Variants in EEIG1 observed in about 807,000 individuals in gnomAD.
EEIG1 encodes the protein early estrogen-induced gene 1 protein.
the EEIG1 span, among the ~76,000 whole-genome samples, chr9:127,964,816 T>C: frequency 6.6e-6 from 1 of 151,990 alleles, no homozygotes; most frequent in Non-Finnish European, 1.5e-5. Context: ...AAAATATCCC[T>C]GGCAGCCAGG....
chr9:127,947,623 C>T, the EEIG1 span, among the ~76,000 whole-genome samples: 2 of 152,118 alleles, frequency 1.3e-5, no homozygotes, highest in South Asian at 4.1e-4. Context: ...TGTGGGAGAG[C>T]AAGAGCTCCC....
At chr9:127,945,703 G>A in the EEIG1 span, 3 of 1,592,188 alleles carry the variant, frequency 1.9e-6, no homozygotes, top group Non-Finnish European at 2.6e-6. This position sits in a 1 kb window ranked among gnomAD's most constrained non-coding sequence, Gnocchi z 6.5. Flanking sequence ...TGGCCAGAGT[G>A]GAACACCTCC....
the EEIG1 span, among the ~76,000 whole-genome samples, chr9:127,954,569 G>C: frequency 6.6e-6 from 1 of 152,198 alleles, no homozygotes; most frequent in African/African-American, 2.4e-5. Context: ...GCAGGCCCTG[G>C]AGCCTGCTCC....
chr9:127,944,934 C>A, the EEIG1 span: 1 of 1,601,054 alleles, frequency 6.2e-7, no homozygotes, highest in South Asian at 1.1e-5. Context: ...TCACAACGGT[C>A]AGGGCAGTAA....
chr9:127,980,431 C>A, the EEIG1 span: 644 of 231,728 alleles, frequency 2.8e-3, 8 homozygotes, highest in African/African-American at 0.014. Flanking sequence ...GAGGCAGGGG[C>A]GGAGGTGCGG....
At chr9:127,980,385 C>G in the EEIG1 span, 1 of 425,330 alleles carries the variant, frequency 2.4e-6, no homozygotes, top group Non-Finnish European at 4.2e-6. Context: ...GGGGACCTCA[C>G]CGGCATGTAA....
At chr9:127,967,309 C>A in the EEIG1 span, among the ~76,000 whole-genome samples, 1 of 152,188 alleles carries the variant, frequency 6.6e-6, no homozygotes, top group South Asian at 2.1e-4. Context: ...CCGAGCCAAG[C>A]ACTCTCCCTG....
chr9:127,947,263 CAAAAAAAAAA>C, the EEIG1 span, among the ~76,000 whole-genome samples: 1 of 94,660 alleles, frequency 1.1e-5, no homozygotes, highest in African/African-American at 4.1e-5. Context: ...ACTAAAAATA[CAAAAAAAAAA>C]AAAAAAAAAA....
chr9:127,953,676 C>T, the EEIG1 span: 24 of 1,602,686 alleles, frequency 1.5e-5, no homozygotes, highest in Non-Finnish European at 2.1e-5. Flanking sequence ...CTCCCACAAT[C>T]CCCCCAGATC....
the EEIG1 span, among the ~76,000 whole-genome samples, chr9:127,976,339 A>G: frequency 2.6e-5 from 4 of 152,258 alleles, no homozygotes; most frequent in African/African-American, 9.6e-5. This position sits in a 1 kb window ranked among gnomAD's most constrained non-coding sequence, Gnocchi z 4.1. Context: ...CCCATGGGGT[A>G]GGTGACTGCA....
chr9:127,944,910 C>G, the EEIG1 span: 1 of 1,608,496 alleles, frequency 6.2e-7, no homozygotes, highest in African/African-American at 1.3e-5. Flanking sequence ...TGGGTCAGGT[C>G]GTGGGGGGAC....
At chr9:127,945,650 G>A in the EEIG1 span, 31 of 1,585,342 alleles carry the variant, frequency 2.0e-5, no homozygotes, top group African/African-American at 2.0e-4. The surrounding 1 kb of genome is among the most constrained non-coding windows in gnomAD (Gnocchi z 6.5). Context: ...GCCACTCACC[G>A]GAGATCTTGG....
At chr9:127,972,183 T>C in the EEIG1 span, among the ~76,000 whole-genome samples, 2 of 151,974 alleles carry the variant, frequency 1.3e-5, no homozygotes, top group African/African-American at 2.4e-5. This position sits in a 1 kb window ranked among gnomAD's most constrained non-coding sequence, Gnocchi z 4.3. Context: ...ACGCTCCAAC[T>C]CACCCTGGCT....
chr9:127,943,019 T>G, the EEIG1 span: 2 of 659,068 alleles, frequency 3.0e-6, no homozygotes, highest in Non-Finnish European at 5.5e-6. Context: ...GGTCCCAGCA[T>G]GGATGGGAGG....
the EEIG1 span, among the ~76,000 whole-genome samples, chr9:127,960,958 G>A: frequency 7.2e-6 from 1 of 139,766 alleles, no homozygotes; most frequent in Non-Finnish European, 1.6e-5. Flanking sequence ...CCTGGCCCAC[G>A]GCCAGAGGTC....
the EEIG1 span, chr9:127,943,804 C>G: frequency 6.4e-6 from 1 of 157,442 alleles, no homozygotes; most frequent in Non-Finnish European, 1.4e-5. Flanking sequence ...TCACCGCCCC[C>G]TCACCCCCAC....
the EEIG1 span, among the ~76,000 whole-genome samples, chr9:127,951,816 A>AC: frequency 6.8e-6 from 1 of 146,830 alleles, no homozygotes; most frequent in South Asian, 2.1e-4. Flanking sequence ...CTCCATCTCA[A>AC]AAAAAAAAAA....
the EEIG1 span, among the ~76,000 whole-genome samples, chr9:127,970,875 C>G: frequency 6.6e-6 from 1 of 152,172 alleles, no homozygotes; most frequent in Non-Finnish European, 1.5e-5. Flanking sequence ...AGAACCGAGC[C>G]CAGCATCACC....
chr9:127,974,163 CCT>C, the EEIG1 span, among the ~76,000 whole-genome samples: 1 of 152,082 alleles, frequency 6.6e-6, no homozygotes, highest in Non-Finnish European at 1.5e-5. Context: ...GCCTGCCAGC[CCT>C]CTCTCCAATC....
Sources: allele counts gnomAD v4.1 joint callset (sites outside exome capture counted in the v4.1 genomes callset), GRCh38; gene constraint gnomAD v4.1.1; non-coding constraint Gnocchi (gnomAD v3.1); transcripts MANE v1.5; gene names NCBI Gene and HGNC (gene_info 2026-07-23, HGNC 2026-07-21).